ATP7B: variants seen among roughly 807,000 people sequenced by gnomAD.
ATP7B encodes copper-transporting ATPase 2.
A neutral mutation model predicts 118.9 loss-of-function variants in ATP7B; 113 were observed. The ratio of observed to expected loss-of-function variants is 0.95; its 90% CI spans 0.82 to 1.11. The LOEUF is 1.11. Ranked by LOEUF, ATP7B falls within the 50% of genes most tolerant of loss-of-function variation. The pLI is 0.00. For synonymous variants in ATP7B, 777 were observed against 727.4 expected (o/e 1.07, Z -1.10); for missense variants, 1,867 against 1,871.4 (o/e 1.00, Z 0.04).
At chr13:52,003,252 T>C (rs1953600887) in intron 1 of ATP7B, among the ~76,000 whole-genome samples, 1 of 152,138 alleles carries the variant, frequency 6.6e-6, no homozygotes, top group African/African-American at 2.4e-5. Context: ...TTAAAGGGAG[T>C]GGACTCTTTC....
In ATP7B at chr13:51,961,747, T is replaced by C. The variant is rs546989431; in HGVS notation, c.1946+90A>G. On this transcript the variant is annotated intron_variant, in intron 6 of 20. Coordinates refer to ENST00000242839, the MANE Select transcript of ATP7B (RefSeq NM_000053.4). ...CAGCTAATCCAGGAGGAAGGCACCA[T>C]GGGAAGACAAGACCAGCTGGCAGAG... 27 of 1,262,264 alleles carry C rather than the reference T, an allele frequency of 2.1e-5. No homozygotes were observed. The African/African-American group carries it at 2.5e-4, about 12-fold the overall frequency. The allele number at this position is 1,262,264 out of a possible 1,614,324, so 78.2% of individuals were successfully genotyped here.
chr13:51,935,049 C>T lies in ATP7B; in HGVS notation c.4125-20G>A. Reference sequence around the variant, plus strand: ...TTATAGCTGGAAAGCAGGAACGCAACAGCATCTGAGCCATTCTAGAAACAA... The same window carrying T: ...TTATAGCTGGAAAGCAGGAACGCAATAGCATCTGAGCCATTCTAGAAACAA... On this transcript the variant is annotated intron_variant, in intron 20 of 20. Coordinates refer to ENST00000242839, the MANE Select transcript of ATP7B (RefSeq NM_000053.4). 6.2e-7 allele frequency: 1 copy of T among 1,613,478 alleles called. No individual in the cohort carries two copies. The highest frequency in any genetic ancestry group is 1.1e-5 in the South Asian group (1 of 91,058).
At chr13:51,936,802 C>T (rs1956993906) in intron 19 of ATP7B, among the ~76,000 whole-genome samples, 1 of 152,200 alleles carries the variant, frequency 6.6e-6, no homozygotes, top group Admixed American at 6.5e-5. Context: ...GCTGGAATTA[C>T]AGGCATGAGC....
At chr13:51,990,138 T>C (rs1952840445) in intron 1 of ATP7B, among the ~76,000 whole-genome samples, 1 of 151,886 alleles carries the variant, frequency 6.6e-6, no homozygotes, top group Non-Finnish European at 1.5e-5. Context: ...AATGTTATTT[T>C]ATTAATTTAA....
chr13:51,958,797 A>G (rs1804749456), intron 7 of ATP7B: 1 of 536,122 alleles, frequency 1.9e-6, no homozygotes, highest in Non-Finnish European at 3.4e-6. Flanking sequence ...CTCTAATAAG[A>G]GAATGGTGAA....
intron 9 of ATP7B, among the ~76,000 whole-genome samples, chr13:51,956,097 C>T (rs925295624): frequency 6.6e-6 from 1 of 152,232 alleles, no homozygotes; most frequent in Non-Finnish European, 1.5e-5. Context: ...GAGCCTGGAA[C>T]ACCAGAAGGA....
Position 51,939,072 on chromosome 13 carries a change from T to G in ATP7B, c.3678A>C (p.Thr1226=). 1 of 1,614,272 alleles carries G rather than the reference T, an allele frequency of 6.2e-7. No homozygotes were observed. The highest frequency in any genetic ancestry group is 1.1e-5 in the South Asian group (1 of 91,092). Residue 1226 remains threonine, a synonymous_variant, in exon 17 of 21, where the codon ACA becomes ACC. Coordinates refer to ENST00000242839, the MANE Select transcript of ATP7B (RefSeq NM_000053.4). The stretch of plus-strand genomic sequence containing the variant: ...GTACCTGGGTGGCAATAGCTCTGGC[T>G]GTCTTCCGGTTGTCCCCCGTGATCA... ...VVLITGDNRK[T]ARAIATQVGI...
intron 13 of ATP7B, 131 bp downstream of exon 13, chr13:51,946,153 T>C: frequency 1.6e-6 from 2 of 1,254,268 alleles, no homozygotes; most frequent in Non-Finnish European, 2.2e-6. Flanking sequence ...TTCCCAGTTA[T>C]ACTTGACTTC....
rs551051945 is a variant in ATP7B at position 51,968,597 on chromosome 13, G to A, written c.1554C>T (p.Ser518=). ...RNLQKEAGVL[S]VLVALMAGKA... ...TTCCTGCCATCAAGGCAACCAACAC[G>A]GAGAGAACACCTGGAACCATCAGGT... Residue 518 remains serine (S), a synonymous_variant, in exon 4 of 21, where the codon TCC becomes TCT. Transcript: ENST00000242839. 2.2e-5 allele frequency: 35 copies of A among 1,613,962 alleles called. No individual in the cohort carries two copies. Among genetic ancestry groups the A allele is most frequent in the Admixed American group, 8.3e-5 (5 of 59,988 alleles).
intron 13 of ATP7B, among the ~76,000 whole-genome samples, chr13:51,944,779 GACAA>G (rs1957546153): frequency 2.0e-5 from 3 of 152,286 alleles, no homozygotes; most frequent in South Asian, 2.1e-4. Context: ...TGGCCATAAT[GACAA>G]ACAAACCCCC....
At chr13:51,983,081 G>T (rs567695090) in intron 1 of ATP7B, among the ~76,000 whole-genome samples, 1 of 152,288 alleles carries the variant, frequency 6.6e-6, no homozygotes, top group East Asian at 1.9e-4. Flanking sequence ...CACTCGCCTG[G>T]AAAGGTGGCT....
rs373748155 is a variant in ATP7B at position 51,937,516 on chromosome 13, G to A, written c.3863C>T (p.Thr1288Met). The stretch of plus-strand genomic sequence containing the variant: ...GTCGGCTGCCTCGATGGCCACATCC[G>A]TGCCGGTGCCAATGGCCACACCCAT... Reference protein sequence around the residue: ...ADMGVAIGTGTDVAIEAADVV... With the variant: ...ADMGVAIGTGMDVAIEAADVV... The change falls in exon 18 of 21, where the codon ACG becomes ATG. Residue 1288 changes from threonine (T) to methionine (M), a missense_variant. Transcript: ENST00000242839. The A allele has an allele frequency of 2.9e-5, 46 of 1,614,026 alleles. No individual in the cohort carries two copies. Among genetic ancestry groups the A allele is most frequent in the Non-Finnish European group, 3.5e-5 (41 of 1,180,040 alleles).
At chr13:52,008,444 G>A (rs1005963972) in intron 1 of ATP7B, among the ~76,000 whole-genome samples, 18 of 152,254 alleles carry the variant, frequency 1.2e-4, no homozygotes, top group African/African-American at 3.9e-4. Flanking sequence ...GTTGGAGCAC[G>A]GGGCTGAACA....
chr13:51,949,970 A>G, intron 11 of ATP7B, 37 bp downstream of exon 11: 1 of 1,614,122 alleles, frequency 6.2e-7, no homozygotes, highest in African/African-American at 1.3e-5. Context: ...TTCTAAAACG[A>G]GAAAGATGAA....
At chr13:52,003,354 G>A (rs1024542476) in intron 1 of ATP7B, among the ~76,000 whole-genome samples, 1 of 152,112 alleles carries the variant, frequency 6.6e-6, no homozygotes, top group South Asian at 2.1e-4. Context: ...GAGAGGGAGG[G>A]AGAGACAGAG....
chr13:51,963,577 A>C (rs530637665), intron 5 of ATP7B, among the ~76,000 whole-genome samples: 1 of 152,014 alleles, frequency 6.6e-6, no homozygotes, highest in East Asian at 1.9e-4. Context: ...CTCTACCAAA[A>C]ATACAAAAAT....
intron 19 of ATP7B, among the ~76,000 whole-genome samples, chr13:51,936,526 T>C (rs1396380714): frequency 6.6e-6 from 1 of 152,028 alleles, no homozygotes; most frequent in Non-Finnish European, 1.5e-5. Flanking sequence ...ATCTATTTCT[T>C]TTCTTTTTCT....
rs762097856 is a variant in ATP7B at position 51,937,283 on chromosome 13, A to T, written c.4014T>A (p.Ile1338=). Residue 1338 remains isoleucine, a synonymous_variant, in exon 19 of 21, where the codon ATT becomes ATA. Transcript: ENST00000242839. ...ALIYNLVGIP[I]AAGVFMPIGI... is the part of the protein sequence containing the mutation. ...TGGGTAAGAGCTGCCTACCTGCTGCAATGGGTATCCCAACCAGGTTATAAA... is the reference window on the plus strand; with the variant it reads ...TGGGTAAGAGCTGCCTACCTGCTGCTATGGGTATCCCAACCAGGTTATAAA... 1.2e-6 allele frequency: 2 copies of T among 1,614,010 alleles called. No individual in the cohort carries two copies. The highest frequency in any genetic ancestry group is 4.5e-5 in the East Asian group (2 of 44,878).
rs115420019 is a variant in ATP7B, at chr13:51,934,566, G to A, written c.*190C>T. The stretch of plus-strand genomic sequence containing the variant: ...GTGAGGCCAAGAGGCAGGCAGGGCC[G>A]TCCTCTCCAGGCCAAGCCCAGCTGC... On this transcript the variant is annotated 3_prime_UTR_variant, in exon 21 of 21. Transcript: ENST00000242839. 5.0e-5 allele frequency: 45 copies of A among 897,744 alleles called. No homozygotes were observed. The highest frequency in any genetic ancestry group is 1.3e-4 in the Admixed American group (6 of 47,260). The allele number at this position is 897,744 out of a possible 1,614,324, so 55.6% of individuals were successfully genotyped here. A position where few individuals can be genotyped will look rare whatever the true frequency, so the allele number is the denominator to read the frequency against.
Sources: allele counts gnomAD v4.1 joint callset (sites outside exome capture counted in the v4.1 genomes callset), GRCh38; gene constraint gnomAD v4.1.1; transcripts MANE v1.5; gene names NCBI Gene and HGNC (gene_info 2026-07-23, HGNC 2026-07-21).